NIPBL: variants seen among roughly 807,000 people sequenced by gnomAD.
NIPBL encodes NIPBL cohesin loading factor.
Under a neutral mutation model 321.8 loss-of-function variants are expected in NIPBL, and 19 were observed. The observed-to-expected ratio is 0.06, with a 90% CI of 0.04 to 0.09. The LOEUF (loss-of-function observed/expected upper bound fraction) is 0.09. Ranked by LOEUF, NIPBL falls within the 10% of genes least tolerant of loss-of-function variation. NIPBL has a pLI of 1.00. For missense variants in NIPBL, 2,210 were observed against 3,327.0 expected (o/e 0.66, Z 8.26); for synonymous variants, 1,106 against 1,114.1 (o/e 0.99, Z 0.14).
intron 1 of NIPBL, among the ~76,000 whole-genome samples, chr5:36,882,876 CT>C (rs542743650): frequency 1.1e-4 from 17 of 148,722 alleles, no homozygotes; most frequent in Admixed American, 2.0e-4. Flanking sequence ...TGATTATAGT[CT>C]TTTTTTTTAA....
intron 1 of NIPBL, among the ~76,000 whole-genome samples, chr5:36,890,357 A>G (rs1168252964): frequency 1.3e-5 from 2 of 152,202 alleles, no homozygotes; most frequent in African/African-American, 4.8e-5. Context: ...ATGGCCTTTA[A>G]TATATATTTC....
intron 1 of NIPBL, among the ~76,000 whole-genome samples, chr5:36,906,644 G>GT (rs1747663331): frequency 1.3e-5 from 2 of 152,164 alleles, no homozygotes; most frequent in Admixed American, 1.3e-4. Flanking sequence ...CCTTAATCAA[G>GT]TAAAAGAATT....
chr5:37,015,811 GTAGTAT>G (rs1238088071), intron 22 of NIPBL, among the ~76,000 whole-genome samples: 1 of 152,198 alleles, frequency 6.6e-6, no homozygotes, highest in East Asian at 1.9e-4. Flanking sequence ...TTGCGAGAAA[GTAGTAT>G]TAGTATTGCT....
At chr5:36,968,163 G>T (rs1442919328) in intron 6 of NIPBL, among the ~76,000 whole-genome samples, 1 of 151,234 alleles carries the variant, frequency 6.6e-6, no homozygotes, top group Non-Finnish European at 1.5e-5. Context: ...GACAAAATTG[G>T]ATATATATAT....
At chr5:36,952,060 GCGCGCGCGCGCGCA>G (rs1362398674) in intron 1 of NIPBL, among the ~76,000 whole-genome samples, 48 of 113,132 alleles carry the variant, frequency 4.2e-4, no homozygotes, top group East Asian at 6.7e-4. Context: ...GTGTGCGCGC[GCGCGCGCGCGCGCA>G]TGTGTGTGTG....
At chr5:37,057,427 C>A (rs1754215859) in intron 43 of NIPBL, 95 bp downstream of exon 43, 2 of 1,218,656 alleles carry the variant, frequency 1.6e-6, no homozygotes, top group South Asian at 2.6e-5. Context: ...TTATCCTCTT[C>A]ACGAGTATAT....
chr5:37,012,456 A>ATTTTT (rs763144789), intron 21 of NIPBL, among the ~76,000 whole-genome samples: 199 of 107,208 alleles, frequency 1.9e-3, no homozygotes, highest in African/African-American at 4.3e-3. Flanking sequence ...TCTTTCTCCA[A>ATTTTT]TTTTTTTTTT....
intron 1 of NIPBL, among the ~76,000 whole-genome samples, chr5:36,911,145 A>T (rs866466623): frequency 1.3e-5 from 2 of 152,208 alleles, no homozygotes; most frequent in Non-Finnish European, 2.9e-5. Flanking sequence ...CCTTGATAGC[A>T]ATTTCTCATA....
At chr5:36,992,538 A>G (rs1377430101) in intron 10 of NIPBL, among the ~76,000 whole-genome samples, 1 of 151,954 alleles carries the variant, frequency 6.6e-6, no homozygotes, top group Admixed American at 6.5e-5. Flanking sequence ...TTTTAAAGAC[A>G]GGGTCTCATT....
At chr5:37,038,803 T>C (rs1367453541) in intron 34 of NIPBL, 65 bp downstream of exon 34, 4 of 1,513,052 alleles carry the variant, frequency 2.6e-6, no homozygotes, top group Non-Finnish European at 3.6e-6. Flanking sequence ...AATTTAGAGT[T>C]CACATGCGTC....
At chr5:37,013,871 G>T (rs1196036430) in intron 21 of NIPBL, among the ~76,000 whole-genome samples, 1 of 152,238 alleles carries the variant, frequency 6.6e-6, no homozygotes, top group Non-Finnish European at 1.5e-5. Flanking sequence ...GGGAGGTGGA[G>T]GTTGTAGCCA....
At chr5:36,941,155 A>G (rs902699344) in intron 1 of NIPBL, among the ~76,000 whole-genome samples, 1 of 152,110 alleles carries the variant, frequency 6.6e-6, no homozygotes, top group Non-Finnish European at 1.5e-5. Flanking sequence ...TCCCAGGGAT[A>G]AGAAAACATA....
chr5:36,952,771 G>T (rs566388510), intron 1 of NIPBL, among the ~76,000 whole-genome samples: 55 of 152,268 alleles, frequency 3.6e-4, no homozygotes, highest in African/African-American at 1.3e-3. Flanking sequence ...TTGATTATGT[G>T]ACTTGTAAGA....
chr5:36,939,013 T>C (rs1463531829), intron 1 of NIPBL, among the ~76,000 whole-genome samples: 2 of 152,072 alleles, frequency 1.3e-5, no homozygotes, highest in Non-Finnish European at 2.9e-5. Flanking sequence ...CTCTTGTTGT[T>C]TGTTTTTTTC....
chr5:37,020,328 T>C (rs1712048523), intron 25 of NIPBL, 131 bp from the exon 26 acceptor site: 1 of 695,960 alleles, frequency 1.4e-6, no homozygotes, highest in Non-Finnish European at 2.5e-6. Flanking sequence ...AAATCTGTTT[T>C]TATCACATGG....
At chr5:36,992,842 A>C (rs915815832) in intron 10 of NIPBL, among the ~76,000 whole-genome samples, 3 of 152,026 alleles carry the variant, frequency 2.0e-5, no homozygotes, top group African/African-American at 7.2e-5. Context: ...TTCCGGGCTC[A>C]TGCCATTCTC....
At chr5:36,883,142 ACT>A (rs1024476979) in intron 1 of NIPBL, among the ~76,000 whole-genome samples, 10 of 151,562 alleles carry the variant, frequency 6.6e-5, no homozygotes, top group Admixed American at 6.6e-4. Context: ...TTTTATTGTG[ACT>A]CTTGTTACTT....
intron 1 of NIPBL, among the ~76,000 whole-genome samples, chr5:36,917,829 G>C (rs1047673887): frequency 6.6e-6 from 1 of 152,132 alleles, no homozygotes; most frequent in African/African-American, 2.4e-5. Flanking sequence ...AAATCAGATG[G>C]TTGTAGATGT....
rs1313723349 is a variant in NIPBL at position 37,027,385 on chromosome 5, T to C, written c.5835T>C (p.Tyr1945=). 6.2e-7 allele frequency: 1 copy of C among 1,613,386 alleles called. No homozygotes were observed. Among genetic ancestry groups the C allele is most frequent in the Admixed American group, 1.7e-5 (1 of 60,022 alleles). ...DVVAACRDTG[Y]DWFEQLLQNL... ...TTGCAGCATGCAGAGATACTGGATA[T>C]GACTGGTTTGAGCAACTGCTTCAAA... is the stretch of plus-strand genomic sequence containing the variant. The change falls in exon 32 of 47, where the codon TAT becomes TAC. Residue 1945 remains tyrosine (Y), a synonymous_variant. Coordinates refer to ENST00000282516, the MANE Select transcript of NIPBL (RefSeq NM_133433.4).
Sources: allele counts gnomAD v4.1 joint callset (sites outside exome capture counted in the v4.1 genomes callset), GRCh38; gene constraint gnomAD v4.1.1; transcripts MANE v1.5; gene names NCBI Gene and HGNC (gene_info 2026-07-23, HGNC 2026-07-21).